Variants in SEC14L5 observed in about 807,000 individuals in gnomAD.
The protein encoded by SEC14L5 is SEC14-like protein 5.
A neutral mutation model predicts 84.6 loss-of-function variants in SEC14L5; 96 were observed. The observed-to-expected ratio is 1.13, with a 90% CI of 0.96 to 1.34. The LOEUF (loss-of-function observed/expected upper bound fraction) is 1.34, where lower values mean the gene tolerates loss of function less well. Ranked by LOEUF, SEC14L5 falls within the 40% of genes most tolerant of loss-of-function variation. SEC14L5 has a pLI of 0.00. For synonymous variants in SEC14L5, 546 were observed against 383.4 expected (o/e 1.42, Z -4.95); for missense variants, 1,224 against 942.5 (o/e 1.30, Z -3.91).
At chr16:5,003,831 A>G (rs1955703702) in intron 11 of SEC14L5, among the ~76,000 whole-genome samples, 2 of 152,314 alleles carry the variant, frequency 1.3e-5, no homozygotes, top group Middle Eastern at 6.8e-3. Context: ...CCCCATGCCC[A>G]TTATCGTGGG....
At chr16:5,005,051 C>G (rs1006886049) in intron 11 of SEC14L5, among the ~76,000 whole-genome samples, 24 of 152,216 alleles carry the variant, frequency 1.6e-4, no homozygotes, top group Admixed American at 7.2e-4. Context: ...TGGCTCACGC[C>G]TGTAATCCCA....
At chr16:4,961,181 G>A (rs1253912076) in intron 2 of SEC14L5, among the ~76,000 whole-genome samples, 1 of 152,124 alleles carries the variant, frequency 6.6e-6, no homozygotes, top group African/African-American at 2.4e-5. Context: ...GCTGAAGCAG[G>A]AGAATCTCTT....
chr16:4,983,637 G>A (rs1049999727), intron 2 of SEC14L5, among the ~76,000 whole-genome samples: 2 of 151,590 alleles, frequency 1.3e-5, no homozygotes, highest in Non-Finnish European at 2.9e-5. Flanking sequence ...AGCACTTTGG[G>A]AGGCCGAGGT....
rs932673874 is a variant in SEC14L5, at chr16:5,017,437, T to C, written c.*2467T>C. On this transcript the variant is annotated 3_prime_UTR_variant, in exon 16 of 16. Coordinates refer to ENST00000251170, the MANE Select transcript of SEC14L5 (RefSeq NM_014692.2). The stretch of plus-strand genomic sequence containing the variant: ...TGCACCCAGGCCTCTTGACTCTGCA[T>C]CTCTTTGCATGCTGACCTCATTCTT... 1.2e-4 allele frequency: 18 copies of C among 152,314 alleles called. No homozygotes were observed. The highest frequency in any genetic ancestry group is 1.1e-3 in the Admixed American group (17 of 15,282). The allele number at this position is 152,314 out of a possible 1,614,324, so 9.4% of individuals were successfully genotyped here.
rs781184837 is a variant in SEC14L5 at position 4,959,351 on chromosome 16, C to T, written c.28C>T (p.Arg10Ter). Residue 10 changes from arginine (R) to a stop codon, truncating the protein, a stop_gained, in exon 2 of 16, where the codon CGA becomes TGA. Transcript: ENST00000251170. LOFTEE classifies it high-confidence loss of function. MVQRYQSPV[R>*]VYKYPFELVM... ...GGTGCAAAGATACCAGTCTCCTGTC[C>T]GAGTCTACAAGTACCCGTTTGAGCT... 3.7e-6 allele frequency: 6 copies of T among 1,613,656 alleles called. No individual in the cohort carries two copies. The highest frequency in any genetic ancestry group is 1.3e-5 in the African/African-American group (1 of 74,886).
At position 4,992,141 on chromosome 16, in the gene SEC14L5, A is replaced by G. The variant is rs184783104; in HGVS notation, c.667+111A>G. On this transcript the variant is annotated intron_variant, in intron 6 of 15. Transcript: ENST00000251170. Reference sequence around the variant, plus strand: ...AGAATTGCCTGCCGTCCCCCCTGGGAATGGGTCTGGGTCTTGGAACGACAC... The same window carrying G: ...AGAATTGCCTGCCGTCCCCCCTGGGGATGGGTCTGGGTCTTGGAACGACAC... 2.9e-4 allele frequency: 212 copies of G among 736,466 alleles called. 1 individual carries two copies. Among genetic ancestry groups the G allele is most frequent in the Non-Finnish European group, 4.2e-4 (196 of 469,870 alleles). 45.6% of individuals were successfully genotyped at this position (736,466 alleles called of 1,614,324 possible).
At chr16:5,001,317 G>A (rs542979552) in intron 10 of SEC14L5, among the ~76,000 whole-genome samples, 27 of 150,060 alleles carry the variant, frequency 1.8e-4, no homozygotes, top group Non-Finnish European at 3.2e-4. Context: ...GGAGTGCAGC[G>A]GTGCAATCTC....
At chr16:4,996,678 TCTC>T (rs1041104231) in intron 7 of SEC14L5, among the ~76,000 whole-genome samples, 174 bp from the exon 8 acceptor site, 5 of 151,888 alleles carry the variant, frequency 3.3e-5, no homozygotes, top group South Asian at 2.1e-4. Flanking sequence ...TTCAAGCAAT[TCTC>T]CTGCCCTAGC....
intron 11 of SEC14L5, among the ~76,000 whole-genome samples, chr16:5,004,564 T>TGGGGAAA (rs1347465916): frequency 6.6e-6 from 1 of 150,508 alleles, no homozygotes; most frequent in Non-Finnish European, 1.5e-5. Context: ...TGCAGAATCC[T>TGGGGAAA]GGGGAAAGCT....
intron 6 of SEC14L5, 33 bp downstream of exon 6, chr16:4,992,063 G>C: frequency 2.1e-6 from 3 of 1,421,208 alleles, no homozygotes; most frequent in Non-Finnish European, 2.8e-6. Flanking sequence ...GTCAGCCCTA[G>C]GAGGCTGCTG....
intron 2 of SEC14L5, among the ~76,000 whole-genome samples, chr16:4,976,620 G>C (rs981770207): frequency 2.6e-5 from 4 of 152,230 alleles, no homozygotes; most frequent in African/African-American, 9.6e-5. Flanking sequence ...ATCTCCAGAT[G>C]CTAATTGTGT....
chr16:4,991,245 C>T (rs930618569), intron 5 of SEC14L5, among the ~76,000 whole-genome samples: 3 of 148,612 alleles, frequency 2.0e-5, no homozygotes, highest in African/African-American at 5.0e-5. Flanking sequence ...AGTAAAAACC[C>T]GTTCTTGTGA....
intron 8 of SEC14L5, 34 bp from the exon 9 acceptor site, chr16:5,000,621 G>T: frequency 6.7e-7 from 1 of 1,494,536 alleles, no homozygotes. Context: ...TCTAAATAAC[G>T]GGCTCTTCTT....
At chr16:4,965,699 A>G (rs1222148138) in intron 2 of SEC14L5, among the ~76,000 whole-genome samples, 1 of 134,252 alleles carries the variant, frequency 7.4e-6, no homozygotes, top group Non-Finnish European at 1.6e-5. Flanking sequence ...AGAAATCTCT[A>G]TTGTGAATGG....
rs1050575299 is a variant in SEC14L5 at position 4,969,820 on chromosome 16, C to CTTTTTTTTTTTTT, written c.63+10438_63+10450dup. 1.4e-5 allele frequency among the ~76,000 whole-genome samples: 2 copies of CTTTTTTTTTTTTT among 141,306 alleles called. 1 individual carries two copies. The allele number at this position is 141,306 out of a possible 152,430, so 92.7% of individuals were successfully genotyped here. Reference sequence around the variant, plus strand: ...TGTCTTGTCTGGTTCTTTTTCTTTCCTTTTTTTTTTTTTTTTGAGACTGGT... The same window carrying CTTTTTTTTTTTTT: ...TGTCTTGTCTGGTTCTTTTTCTTTCCTTTTTTTTTTTTTTTTTTTTTTTTTTTTTGAGACTGGT... On this transcript the variant is annotated intron_variant, in intron 2 of 15. Coordinates refer to ENST00000251170, the MANE Select transcript of SEC14L5 (RefSeq NM_014692.2).
intron 2 of SEC14L5, among the ~76,000 whole-genome samples, chr16:4,979,075 A>G (rs1277282625): frequency 1.3e-5 from 2 of 152,174 alleles, no homozygotes; most frequent in African/African-American, 4.8e-5. Context: ...ATCTTCAGGC[A>G]AAGAGGCTGG....
intron 4 of SEC14L5, among the ~76,000 whole-genome samples, chr16:4,989,353 G>C (rs868547345): frequency 4.2e-5 from 6 of 143,276 alleles, no homozygotes; most frequent in Non-Finnish European, 7.5e-5. Context: ...GTTTTTTTGA[G>C]AGACAGTCTC....
chr16:4,973,934 G>C (rs1428192829), intron 2 of SEC14L5, among the ~76,000 whole-genome samples: 1 of 152,000 alleles, frequency 6.6e-6, no homozygotes, highest in East Asian at 1.9e-4. Context: ...TCTGCCCCCT[G>C]AGGCCTCCCA....
At chr16:5,011,355 C>A in intron 15 of SEC14L5, 82 bp downstream of exon 15, 1 of 1,418,746 alleles carries the variant, frequency 7.0e-7, no homozygotes, top group Non-Finnish European at 9.6e-7. Context: ...CTCCTGTCTC[C>A]CAGCTGGGTC....
Sources: gnomAD v4.1 joint callset for allele counts (sites outside exome capture counted in the v4.1 genomes callset) on GRCh38, gnomAD v4.1.1 for gene constraint, MANE v1.5 for transcripts, NCBI Gene and HGNC (gene_info 2026-07-23, HGNC 2026-07-21) for gene names.